Variants in CHTF18 observed in about 807,000 individuals in gnomAD.
CHTF18 encodes the protein chromosome transmission fidelity protein 18 homolog.
Under a neutral mutation model 113.4 loss-of-function variants are expected in CHTF18, and 151 were observed. The ratio of observed to expected loss-of-function variants is 1.33; its 90% CI spans 1.17 to 1.52. The LOEUF is 1.52. CHTF18 is among the 40% of genes most tolerant of loss of function. CHTF18 has a pLI of 0.00. For synonymous variants in CHTF18, 916 were observed against 598.8 expected (o/e 1.53, Z -7.74); for missense variants, 1,982 against 1,381.6 (o/e 1.43, Z -6.89).
chr16:790,968 G>T (rs747480080), intron 7 of CHTF18, 193 bp from the exon 8 acceptor site: 31 of 1,438,300 alleles, frequency 2.2e-5, no homozygotes, highest in Admixed American at 5.5e-5. Flanking sequence ...CTCCCAGATG[G>T]GTTGTGGCCA....
chr16:789,453 G>T, intron 3 of CHTF18, 93 bp downstream of exon 3: 1 of 1,536,110 alleles, frequency 6.5e-7, no homozygotes, highest in Non-Finnish European at 8.8e-7. Context: ...TGGGGGGTGG[G>T]GAGGGTTCCA....
At chr16:797,643 G>A (rs367757588) in intron 20 of CHTF18, 51 bp from the exon 21 acceptor site, 2 of 1,593,708 alleles carry the variant, frequency 1.3e-6, no homozygotes, top group Non-Finnish European at 1.7e-6. Context: ...TTGGGTAGGG[G>A]CTGGATGGGG....
chr16:789,839 G>A lies in CHTF18; in HGVS notation c.606+124G>A, dbSNP rs930190916. On this transcript the variant is annotated intron_variant, in intron 4 of 21. Transcript: ENST00000262315. Reference sequence around the variant, plus strand: ...CTGTGCAGAGCCCCAGGGGTGCAGAGGGGGAGGCTGCGTCATGGGGCGTAG... The same window carrying A: ...CTGTGCAGAGCCCCAGGGGTGCAGAAGGGGAGGCTGCGTCATGGGGCGTAG... 1.5e-5 allele frequency: 20 copies of A among 1,332,200 alleles called. No individual in the cohort carries two copies. In the African/African-American group the frequency reaches 1.9e-4, roughly 13 times the overall value. The allele number at this position is 1,332,200 out of a possible 1,614,324, so 82.5% of individuals were successfully genotyped here. A position where few individuals can be genotyped will look rare whatever the true frequency, so the allele number is the denominator to read the frequency against.
chr16:793,699 C>T (rs946522327), intron 14 of CHTF18: 3 of 620,494 alleles, frequency 4.8e-6, no homozygotes, highest in African/African-American at 3.6e-5. Context: ...CATGGGACCC[C>T]AGGGGATGCT....
chr16:792,473 GC>G lies in CHTF18; in HGVS notation c.1362del (p.Lys455ArgfsTer29), dbSNP rs1054895086. 3.8e-6 allele frequency: 6 copies of G among 1,580,902 alleles called. No homozygotes were observed. In the African/African-American group the frequency reaches 8.1e-5, roughly 21 times the overall value. On this transcript the variant is annotated frameshift_variant, in exon 11 of 22. Transcript: ENST00000262315. LOFTEE classifies it high-confidence loss of function. ...AINVLLSILNRKGPQEVGPQG... is the reference protein window; with the variant it reads ...AINVLLSILNXKGPQEVGPQG... ...AACGTCCTCCTGAGCATCCTGAACC[GC>G]AAGGGGCCACAGGAGGTGGGGCCAC...
In CHTF18 at chr16:789,236, C is replaced by T. The variant is rs1193747001; in HGVS notation, c.313C>T (p.Gln105Ter). Reference protein sequence around the residue: ...HAPRIKRPRLQVVKRLNFRSE... With the variant: ...HAPRIKRPRL The stretch of plus-strand genomic sequence containing the variant: ...CCCCAGGATCAAACGGCCTAGGCTG[C>T]AGGTGGTCAAGAGGCTGAACTTCAG... The change falls in exon 3 of 22, where the codon CAG becomes TAG. Residue 105 changes from glutamine (Q) to a stop codon, truncating the protein, a stop_gained. Transcript: ENST00000262315. LOFTEE classifies it high-confidence loss of function. 1 of 1,554,122 alleles carries T rather than the reference C, an allele frequency of 6.4e-7. No homozygotes were observed. The highest frequency in any genetic ancestry group is 8.7e-7 in the Non-Finnish European group (1 of 1,149,378).
intron 14 of CHTF18, chr16:793,648 C>T (rs1162450964): frequency 3.8e-6 from 2 of 530,572 alleles, no homozygotes; most frequent in African/African-American, 1.9e-5. Flanking sequence ...GCTTGGCCTC[C>T]CGTGGGCAGG....
intron 4 of CHTF18, chr16:789,920 C>T (rs2042131381): frequency 6.8e-6 from 10 of 1,476,540 alleles, no homozygotes; most frequent in East Asian, 2.5e-5. Context: ...TTTGTATGGC[C>T]TCGGGTGGAG....
intron 3 of CHTF18, 28 bp from the exon 4 acceptor site, chr16:789,518 TC>T: frequency 6.4e-7 from 1 of 1,572,662 alleles, no homozygotes; most frequent in Non-Finnish European, 8.6e-7. Context: ...CGCTTGAGTT[TC>T]TGCCACTGAG....
intron 18 of CHTF18, among the ~76,000 whole-genome samples, chr16:796,310 C>A (rs1284186009): frequency 1.3e-5 from 2 of 152,242 alleles, no homozygotes; most frequent in Admixed American, 1.3e-4. Flanking sequence ...CCTTAGCACC[C>A]CCACATGGAA....
In CHTF18 at chr16:791,382, T is replaced by C; in HGVS notation, c.1104+12T>C. ...GACCGAAGCAGAAGGTGAGCCCCGC[T>C]GGCTGTGCCGCCGGGAACAAGCCTG... On this transcript the variant is annotated intron_variant, in intron 8 of 21. Transcript: ENST00000262315. The C allele has an allele frequency of 1.3e-6, 2 of 1,589,274 alleles. No homozygotes were observed. The highest frequency in any genetic ancestry group is 8.5e-7 in the Non-Finnish European group (1 of 1,171,112).
At chr16:788,864 C>A in intron 1 of CHTF18, 67 bp from the exon 2 acceptor site, 2 of 1,505,662 alleles carry the variant, frequency 1.3e-6, no homozygotes, top group Non-Finnish European at 1.8e-6. Context: ...GCCGAAGGGG[C>A]CTCCACGTCG....
rs756175165 is a variant in CHTF18, at chr16:793,274, G to A, written c.1802G>A (p.Arg601Lys). Reference protein sequence around the residue: ...QEVFQLPRAQRRRVGQDPALP... With the variant: ...QEVFQLPRAQKRRVGQDPALP... ...GTCTTCCAGCTGCCTCGAGCCCAGAGGTAGGCGGTGGCCACAGCCTCGGCC... is the reference window on the plus strand; with the variant it reads ...GTCTTCCAGCTGCCTCGAGCCCAGAAGTAGGCGGTGGCCACAGCCTCGGCC... Residue 601 changes from arginine to lysine, a missense_variant and splice_region_variant, in exon 14 of 22, where the codon AGG becomes AAG. Transcript: ENST00000262315. The A allele has an allele frequency of 1.2e-6, 2 of 1,606,220 alleles. No individual in the cohort carries two copies. Among genetic ancestry groups the A allele is most frequent in the Admixed American group, 1.7e-5 (1 of 59,538 alleles).
Position 792,344 on chromosome 16 carries a change from C to G in CHTF18, c.1323C>G (p.Pro441=). 6.4e-7 allele frequency: 1 copy of G among 1,554,676 alleles called. No homozygotes were observed. Among genetic ancestry groups the G allele is most frequent in the Non-Finnish European group, 8.7e-7 (1 of 1,149,706 alleles). ...TCATCGATGAGATCGACGGGGCCCC[C>G]GTGGTGGGCTCCTTGATGCCTGGGT... ...CLVIDEIDGA[P]VAAINVLLSI... Residue 441 remains proline (P), a synonymous_variant, in exon 10 of 22, where the codon CCC becomes CCG. Coordinates refer to ENST00000262315, the MANE Select transcript of CHTF18 (RefSeq NM_022092.3).
At chr16:790,956 G>T in intron 7 of CHTF18, 2 of 1,435,512 alleles carry the variant, frequency 1.4e-6, no homozygotes, top group South Asian at 1.5e-5. Context: ...GAGGGCAGGG[G>T]CCTCCCAGAT....
Position 790,263 on chromosome 16 carries a change from CG to C in CHTF18, c.695del (p.Gly232AlafsTer77). The C allele has an allele frequency of 6.2e-7, 1 of 1,606,780 alleles. No individual in the cohort carries two copies. The highest frequency in any genetic ancestry group is 1.1e-5 in the South Asian group (1 of 89,962). On this transcript the variant is annotated frameshift_variant, in exon 5 of 22. Coordinates refer to ENST00000262315, the MANE Select transcript of CHTF18 (RefSeq NM_022092.3). LOFTEE classifies it high-confidence loss of function. ...SLASLKKQVD[G>X]ERRERLLQEA... ...TAGCCTCCCTGAAGAAGCAGGTCGA[CG>C]GCGAGGTAGGGGCTGCGGGTTTGCT...
chr16:792,618 A>C, intron 11 of CHTF18, 28 bp downstream of exon 11: 2 of 1,591,490 alleles, frequency 1.3e-6, no homozygotes, highest in African/African-American at 1.3e-5. Flanking sequence ...CGCCACAGTC[A>C]GGAGAGGCTC....
At chr16:797,417 G>A (rs2042382335) in intron 20 of CHTF18, among the ~76,000 whole-genome samples, 1 of 152,236 alleles carries the variant, frequency 6.6e-6, no homozygotes, top group African/African-American at 2.4e-5. Context: ...GGCTCTGAAG[G>A]ACCAGCTCCT....
Position 790,560 on chromosome 16 carries a change from TG to T in CHTF18, c.793del (p.Ala265ProfsTer44), listed in dbSNP as rs1177203717. 1.3e-6 allele frequency: 2 copies of T among 1,596,906 alleles called. No individual in the cohort carries two copies. Among genetic ancestry groups the T allele is most frequent in the Admixed American group, 3.5e-5 (2 of 57,336 alleles). ...GGGGAGGAGGAGGCAGCCCAGCCCT[TG>T]GGGGCCCCTGAGGAGGAGCCGACTG... is the stretch of plus-strand genomic sequence containing the variant. ...RSGEEEAAQPLGAPEEEPTDG... is the reference protein window; with the variant it reads ...RSGEEEAAQPXGAPEEEPTDG... On this transcript the variant is annotated frameshift_variant, in exon 7 of 22. Coordinates refer to ENST00000262315, the MANE Select transcript of CHTF18 (RefSeq NM_022092.3). LOFTEE classifies it high-confidence loss of function.
Sources: gnomAD v4.1 joint callset for allele counts (sites outside exome capture counted in the v4.1 genomes callset) on GRCh38, gnomAD v4.1.1 for gene constraint, MANE v1.5 for transcripts, NCBI Gene and HGNC (gene_info 2026-07-23, HGNC 2026-07-21) for gene names.